Variants in CALCOCO1 observed in about 807,000 individuals in gnomAD.
The protein encoded by CALCOCO1 is calcium-binding and coiled-coil domain-containing protein 1.
A neutral mutation model predicts 86.3 loss-of-function variants in CALCOCO1; 44 were observed. The ratio of observed to expected loss-of-function variants is 0.51; its 90% CI spans 0.40 to 0.66. The LOEUF (loss-of-function observed/expected upper bound fraction) is 0.66, where lower values mean the gene tolerates loss of function less well. Among genes scored for constraint, CALCOCO1 ranks in the 30% least tolerant of loss-of-function variants. CALCOCO1 has a pLI of 0.00. For missense variants in CALCOCO1, 708 were observed against 851.1 expected (o/e 0.83, Z 2.09); for synonymous variants, 297 against 327.6 (o/e 0.91, Z 1.01).
Position 53,723,723 on chromosome 12 carries a change from C to T in CALCOCO1, c.320G>A (p.Gly107Asp). The T allele has an allele frequency of 1.9e-6, 3 of 1,614,180 alleles. No individual in the cohort carries two copies. Among genetic ancestry groups the T allele is most frequent in the Non-Finnish European group, 2.5e-6 (3 of 1,180,030 alleles). The change falls in exon 4 of 15, where the codon GGC (glycine) becomes GAC (aspartate). Residue 107 changes from glycine (G) to aspartate (D), a missense_variant. Physicochemically the swap from Gly to Asp is moderately conservative, Grantham distance 94 (BLOSUM62 -1). Coordinates refer to ENST00000550804, the MANE Select transcript of CALCOCO1 (RefSeq NM_020898.3). ...LYQFRYVNRQ[G>D]QVCGQSPPFQ... ...AGGGGGGCTCTGCCCACACACCTGG[C>T]CCTGGCGGTTCACATATCGGAACTG...
rs189015951 is a variant in CALCOCO1, at chr12:53,709,087, G to T, written c.*2857C>A. The T allele has an allele frequency of 1.3e-5, 2 of 152,202 alleles. No individual in the cohort carries two copies. The highest frequency in any genetic ancestry group is 2.9e-5 in the Non-Finnish European group (2 of 68,034). The allele number at this position is 152,202 out of a possible 1,614,324, so 9.4% of individuals were successfully genotyped here. The stretch of plus-strand genomic sequence containing the variant: ...CGTTCTTTCACCACCAAATACTGAC[G>T]CGAGTTCCTATTTGCTGCTACTTGG... On this transcript the variant is annotated 3_prime_UTR_variant, in exon 15 of 15. Transcript: ENST00000550804.
At chr12:53,718,155 A>T (rs143440758) in intron 7 of CALCOCO1, among the ~76,000 whole-genome samples, 12 of 152,324 alleles carry the variant, frequency 7.9e-5, no homozygotes, top group African/African-American at 2.9e-4. Flanking sequence ...TGTATTTTCT[A>T]TTGAATTGAA....
rs540194769 is a variant in CALCOCO1, at chr12:53,724,907, A to G, written c.157-160T>C. 26 of 854,518 alleles carry G rather than the reference A, an allele frequency of 3.0e-5. No individual in the cohort carries two copies. In the South Asian group the frequency reaches 3.6e-4, roughly 12 times the overall value. 52.9% of individuals were successfully genotyped at this position (854,518 alleles called of 1,614,324 possible). On this transcript the variant is annotated intron_variant, in intron 2 of 14. Coordinates refer to ENST00000550804, the MANE Select transcript of CALCOCO1 (RefSeq NM_020898.3). ...GAGGGACACTAATGTGTCAGTAAAGAACAAGGCTAAGATGGAGAAAATATG... is the reference window on the plus strand; with the variant it reads ...GAGGGACACTAATGTGTCAGTAAAGGACAAGGCTAAGATGGAGAAAATATG...
In CALCOCO1 at chr12:53,719,817, T is replaced by C. The variant is rs781196552; in HGVS notation, c.771A>G (p.Thr257=). The C allele has an allele frequency of 8.5e-5, 137 of 1,612,556 alleles. No homozygotes were observed. Among genetic ancestry groups the C allele is most frequent in the Non-Finnish European group, 6.6e-5 (78 of 1,178,840 alleles). The change falls in exon 7 of 15, where the codon ACA becomes ACG. Residue 257 remains threonine, a synonymous_variant. Coordinates refer to ENST00000550804, the MANE Select transcript of CALCOCO1 (RefSeq NM_020898.3). Reference sequence around the variant, plus strand: ...CTTGTTCCCGAGTCAGGGCCTTCACTGTGTCTCTAAGCCTGTGATTGGTGG... The same window carrying C: ...CTTGTTCCCGAGTCAGGGCCTTCACCGTGTCTCTAAGCCTGTGATTGGTGG... ...KEVELDRLRD[T]VKALTREQEK...
At chr12:53,714,389 C>T in intron 11 of CALCOCO1, 148 bp from the exon 12 acceptor site, 1 of 677,758 alleles carries the variant, frequency 1.5e-6, no homozygotes, top group East Asian at 2.7e-5. Flanking sequence ...GCAGACACTC[C>T]CCCCAGCACC....
In CALCOCO1 at chr12:53,712,134, G is replaced by A. The variant is rs1445518404; in HGVS notation, c.1899-13C>T. On this transcript the variant is annotated splice_polypyrimidine_tract_variant and intron_variant, in intron 14 of 14. Coordinates refer to ENST00000550804, the MANE Select transcript of CALCOCO1 (RefSeq NM_020898.3). The stretch of plus-strand genomic sequence containing the variant: ...CACTGTAAAGCCACTAAGAGAGACA[G>A]AGGGGAAAGGGAGAGGGTCGGCGTG... 1 of 1,585,946 alleles carries A rather than the reference G, an allele frequency of 6.3e-7. No homozygotes were observed. Among genetic ancestry groups the A allele is most frequent in the African/African-American group, 1.3e-5 (1 of 74,250 alleles).
At chr12:53,712,990 G>C in intron 14 of CALCOCO1, 110 bp downstream of exon 14, 1 of 1,285,232 alleles carries the variant, frequency 7.8e-7, no homozygotes. Flanking sequence ...TTTCTTGGCT[G>C]AGGCCAAGAA....
chr12:53,711,905 T>C lies in CALCOCO1; in HGVS notation c.*39A>G, dbSNP rs1230674253. On this transcript the variant is annotated 3_prime_UTR_variant, in exon 15 of 15. Transcript: ENST00000550804. The stretch of plus-strand genomic sequence containing the variant: ...GTATGCATGTGTGTGAGTGTGTGTG[T>C]GCATGAGTGTGTATTTGTGCATGTA... 3 of 1,503,714 alleles carry C rather than the reference T, an allele frequency of 2.0e-6. No homozygotes were observed. The highest frequency in any genetic ancestry group is 1.8e-6 in the Non-Finnish European group (2 of 1,120,454). The allele number at this position is 1,503,714 out of a possible 1,614,324, so 93.1% of individuals were successfully genotyped here. A position where few individuals can be genotyped will look rare whatever the true frequency, so the allele number is the denominator to read the frequency against.
chr12:53,712,891 ATT>A, intron 14 of CALCOCO1: 1 of 1,455,222 alleles, frequency 6.9e-7, no homozygotes, highest in Non-Finnish European at 9.2e-7. Context: ...CTCTGAGTGC[ATT>A]GATAAGATAG....
intron 5 of CALCOCO1, 126 bp downstream of exon 5, chr12:53,721,899 A>C: frequency 8.9e-7 from 1 of 1,127,924 alleles, no homozygotes; most frequent in Non-Finnish European, 1.3e-6. Flanking sequence ...CCTTAAACCT[A>C]TTTCCTTGAT....
chr12:53,721,754 G>A (rs1235372208), intron 5 of CALCOCO1, 139 bp from the exon 6 acceptor site: 2 of 1,094,284 alleles, frequency 1.8e-6, no homozygotes, highest in Admixed American at 2.1e-5. Flanking sequence ...AAAAGAAACT[G>A]TAAGGGAACA....
chr12:53,718,186 T>G (rs991494154), intron 7 of CALCOCO1, among the ~76,000 whole-genome samples: 1 of 152,038 alleles, frequency 6.6e-6, no homozygotes, highest in Non-Finnish European at 1.5e-5. Context: ...AGTTGCAAGG[T>G]GGACAGTTTA....
Position 53,715,973 on chromosome 12 carries a change from G to T in CALCOCO1, c.1080C>A (p.Thr360=). 6.2e-7 allele frequency: 1 copy of T among 1,614,124 alleles called. No homozygotes were observed. Among genetic ancestry groups the T allele is most frequent in the African/African-American group, 1.3e-5 (1 of 75,052 alleles). ...CACTGGCCAACTCCTCCCCAAGAAG[G>T]GTGGCTTTCTGCTGGCTTGAGGCTG... The part of the protein sequence containing the change: ...ELAASSQQKA[T]LLGEELASAA... Residue 360 remains threonine, a synonymous_variant, in exon 9 of 15, where the codon ACC becomes ACA. Transcript: ENST00000550804.
At chr12:53,714,751 A>ACT in intron 10 of CALCOCO1, 58 bp from the exon 11 acceptor site, 3 of 1,278,520 alleles carry the variant, frequency 2.3e-6, no homozygotes, top group Non-Finnish European at 3.4e-6. Flanking sequence ...AAGAACCTGG[A>ACT]CTCTGGGACC....
chr12:53,713,906 G>A lies in CALCOCO1; in HGVS notation c.1592-6C>T, dbSNP rs781768317. 1.4e-5 allele frequency: 21 copies of A among 1,526,954 alleles called. No individual in the cohort carries two copies. The highest frequency in any genetic ancestry group is 1.8e-5 in the Non-Finnish European group (21 of 1,137,516). The allele number at this position is 1,526,954 out of a possible 1,614,324, so 94.6% of individuals were successfully genotyped here. On this transcript the variant is annotated splice_polypyrimidine_tract_variant and splice_region_variant and intron_variant, in intron 12 of 14. Coordinates refer to ENST00000550804, the MANE Select transcript of CALCOCO1 (RefSeq NM_020898.3). ...TGTCAGAGCTGCCGGGCAGCCTGTAGGAGATGAAGCAGGCAGAGAAGAAAA... is the reference window on the plus strand; with the variant it reads ...TGTCAGAGCTGCCGGGCAGCCTGTAAGAGATGAAGCAGGCAGAGAAGAAAA...
In CALCOCO1 at chr12:53,711,024, C is replaced by T; in HGVS notation, c.*920G>A. 2.7e-6 allele frequency: 1 copy of T among 369,438 alleles called. No individual in the cohort carries two copies. The highest frequency in any genetic ancestry group is 4.8e-6 in the Non-Finnish European group (1 of 207,878). The allele number at this position is 369,438 out of a possible 1,614,324, so 22.9% of individuals were successfully genotyped here. A position where few individuals can be genotyped will look rare whatever the true frequency, so the allele number is the denominator to read the frequency against. ...TGAGGCAGGGATGCGTCCCCTCTTT[C>T]CCTCCTCCCTCCACCAGGGTCTAAG... On this transcript the variant is annotated 3_prime_UTR_variant, in exon 15 of 15. Coordinates refer to ENST00000550804, the MANE Select transcript of CALCOCO1 (RefSeq NM_020898.3).
chr12:53,723,719 C>T lies in CALCOCO1; in HGVS notation c.324G>A (p.Gln108=). The change falls in exon 4 of 15, where the codon CAG becomes CAA. Residue 108 remains glutamine, a synonymous_variant. Transcript: ENST00000550804. ...YQFRYVNRQG[Q]VCGQSPPFQF... ...GGAAAGGGGGGCTCTGCCCACACACCTGGCCCTGGCGGTTCACATATCGGA... is the reference window on the plus strand; with the variant it reads ...GGAAAGGGGGGCTCTGCCCACACACTTGGCCCTGGCGGTTCACATATCGGA... 6.2e-7 allele frequency: 1 copy of T among 1,614,238 alleles called. No individual in the cohort carries two copies. Among genetic ancestry groups the T allele is most frequent in the Non-Finnish European group, 8.5e-7 (1 of 1,180,046 alleles).
At chr12:53,712,899 G>T (rs1355377694) in intron 14 of CALCOCO1, 1 of 1,442,126 alleles carries the variant, frequency 6.9e-7, no homozygotes, top group Non-Finnish European at 9.4e-7. Flanking sequence ...GCATTGATAA[G>T]ATAGGGGTAG....
At chr12:53,713,272 G>T in intron 13 of CALCOCO1, 66 bp from the exon 14 acceptor site, 1 of 1,324,664 alleles carries the variant, frequency 7.5e-7, no homozygotes, top group Non-Finnish European at 1.1e-6. Flanking sequence ...CAGCACATTG[G>T]GACAGGTATG....
Sources: gnomAD v4.1 joint callset for allele counts (sites outside exome capture counted in the v4.1 genomes callset) on GRCh38, gnomAD v4.1.1 for gene constraint, MANE v1.5 for transcripts, NCBI Gene and HGNC (gene_info 2026-07-23, HGNC 2026-07-21) for gene names.